The following PROS1 variants were observed in gnomAD, a reference collection of about 807,000 sequenced individuals.
PROS1 encodes protein S, also known as vitamin K-dependent protein S.
In PROS1, 29 loss-of-function variants were observed where a neutral mutation model predicts 75.9. The observed-to-expected ratio is 0.38, with a 90% CI of 0.28 to 0.52. The LOEUF (loss-of-function observed/expected upper bound fraction) is 0.52. Ranked by LOEUF, PROS1 falls within the 20% of genes least tolerant of loss-of-function variation. The pLI, the probability that PROS1 is intolerant of heterozygous loss-of-function variation, is 0.83. For synonymous variants in PROS1, 245 were observed against 280.6 expected, an observed-to-expected ratio of 0.87 and a Z score of 1.27; for missense variants, 680 against 810.3, an observed-to-expected ratio of 0.84 and a Z score of 1.95.
intron 1 of PROS1, among the ~76,000 whole-genome samples, chr3:93,968,341 GC>G (rs1709821036): frequency 6.6e-6 from 1 of 152,120 alleles, no homozygotes; most frequent in African/African-American, 2.4e-5. Flanking sequence ...CAGGAATAAT[GC>G]CACCCCAAAG....
At chr3:93,958,470 T>G (rs1709646668) in intron 1 of PROS1, 1 of 152,244 alleles carries the variant, frequency 6.6e-6, no homozygotes, top group Admixed American at 6.5e-5. Flanking sequence ...TTCATTCTTG[T>G]GGATAGTCAC....
chr3:93,895,848 C>T (rs1708494879), intron 9 of PROS1, among the ~76,000 whole-genome samples: 1 of 152,126 alleles, frequency 6.6e-6, no homozygotes, highest in African/African-American at 2.4e-5. Context: ...ACCTGTAGTC[C>T]TAGCTACTCA....
At position 93,886,373 on chromosome 3, in the gene PROS1, C is replaced by T. The variant is rs1232665171; in HGVS notation, c.1286G>A (p.Gly429Glu). The T allele has an allele frequency of 6.2e-7, 1 of 1,613,716 alleles. No individual in the cohort carries two copies. The highest frequency in any genetic ancestry group is 1.1e-5 in the South Asian group (1 of 91,066). ...TTCACTTTCCACTTTCCGAGGGAAT[C>T]CTGCAAAGTATACTTTGGTTTCCAG... is the stretch of plus-strand genomic sequence containing the variant. ...GLLETKVYFA[G>E]FPRKVESELI... The change falls in exon 11 of 15, where the codon GGA becomes GAA. Residue 429 changes from glycine (G) to glutamate (E), a missense_variant. Gly to Glu is a moderately conservative substitution (Grantham distance 98). Transcript: ENST00000394236.
intron 1 of PROS1, among the ~76,000 whole-genome samples, chr3:93,931,289 G>C (rs544983965): frequency 1.3e-5 from 2 of 152,264 alleles, no homozygotes; most frequent in South Asian, 4.1e-4. Flanking sequence ...CTACTCAAAT[G>C]TCCATGATGT....
chr3:93,947,814 G>A (rs959451535), intron 1 of PROS1, among the ~76,000 whole-genome samples: 75 of 151,992 alleles, frequency 4.9e-4, no homozygotes, highest in African/African-American at 1.4e-3. Context: ...TGATCTGCCC[G>A]CCTCGGCCTC....
In PROS1 at chr3:93,944,931, A is replaced by G. The variant is rs569235968; in HGVS notation, c.77-17524T>C. ...AATAAAGAAGATTGCAAGACTAATA[A>G]AGAAGAAAAGAGAGAAGAATCAAAT... On this transcript the variant is annotated intron_variant, in intron 1 of 14. Transcript: ENST00000394236. 3.3e-5 allele frequency among the ~76,000 whole-genome samples: 5 copies of G among 152,290 alleles called. No individual in the cohort carries two copies. In the East Asian group the frequency reaches 7.7e-4, roughly 23 times the overall value.
At chr3:93,878,322 T>C (rs1356501022) in intron 13 of PROS1, among the ~76,000 whole-genome samples, 2 of 152,232 alleles carry the variant, frequency 1.3e-5, no homozygotes, top group Non-Finnish European at 2.9e-5. Context: ...AGGATATTTT[T>C]AGGTTACTTA....
chr3:93,919,961 T>C (rs1225525980), intron 3 of PROS1, among the ~76,000 whole-genome samples: 1 of 152,210 alleles, frequency 6.6e-6, no homozygotes, highest in Non-Finnish European at 1.5e-5. Context: ...TTTCTATAGC[T>C]TTATATTATT....
intron 1 of PROS1, among the ~76,000 whole-genome samples, chr3:93,943,792 G>A (rs1334616477): frequency 2.6e-5 from 4 of 152,160 alleles, no homozygotes; most frequent in Admixed American, 6.5e-5. Flanking sequence ...AAAATGGCCT[G>A]TTCCTGCCTT....
At chr3:93,967,551 T>C (rs927084978) in intron 1 of PROS1, among the ~76,000 whole-genome samples, 3 of 152,100 alleles carry the variant, frequency 2.0e-5, no homozygotes, top group Admixed American at 6.5e-5. Flanking sequence ...CAAAATATGG[T>C]TTTAAAAAAT....
At chr3:93,938,897 T>A (rs1299393929) in intron 1 of PROS1, among the ~76,000 whole-genome samples, 4 of 152,058 alleles carry the variant, frequency 2.6e-5, no homozygotes, top group Non-Finnish European at 5.9e-5. Flanking sequence ...ATGTCAATGG[T>A]GGGAATGCCT....
At position 93,896,649 on chromosome 3, in the gene PROS1, C is replaced by T. The variant is rs765763193; in HGVS notation, c.892G>A (p.Glu298Lys). ...AACTGCTCCGCCAAGTAAAGTAATT[C>T]ATACTTTGTGTCAAGGTTCAAGGGA... Reference protein sequence around the residue: ...CLPLNLDTKYELLYLAEQFAG... With the variant: ...CLPLNLDTKYKLLYLAEQFAG... The change falls in exon 9 of 15, where the codon GAA (glutamate) becomes AAA (lysine). Residue 298 changes from glutamate to lysine, a missense_variant. Physicochemically the swap from Glu to Lys is moderately conservative, Grantham distance 56. Coordinates refer to ENST00000394236, the MANE Select transcript of PROS1 (RefSeq NM_000313.4). 6 of 1,613,628 alleles carry T rather than the reference C, an allele frequency of 3.7e-6. No homozygotes were observed. In the Admixed American group the frequency reaches 5.0e-5, roughly 13 times the overall value.
At chr3:93,885,658 C>T (rs901768560) in intron 11 of PROS1, among the ~76,000 whole-genome samples, 9 of 152,104 alleles carry the variant, frequency 5.9e-5, no homozygotes, top group African/African-American at 1.7e-4. Flanking sequence ...ATGTAATAAC[C>T]GTTTCATAAA....
intron 3 of PROS1, among the ~76,000 whole-genome samples, chr3:93,914,825 C>A (rs781730919): frequency 6.6e-6 from 1 of 152,174 alleles, no homozygotes; most frequent in Non-Finnish European, 1.5e-5. Context: ...TTTCACCCCA[C>A]CTCCACCAGT....
intron 1 of PROS1, among the ~76,000 whole-genome samples, chr3:93,938,571 C>G (rs762072028): frequency 2.6e-4 from 40 of 152,276 alleles, no homozygotes; most frequent in African/African-American, 7.9e-4. Context: ...GAACATCTCA[C>G]CAATTTCAAA....
intron 1 of PROS1, among the ~76,000 whole-genome samples, chr3:93,941,287 G>A (rs947725207): frequency 1.3e-5 from 2 of 152,058 alleles, no homozygotes; most frequent in African/African-American, 4.8e-5. Flanking sequence ...TATTCTCCAT[G>A]GGATATCAAG....
chr3:93,943,223 A>C (rs907022677), intron 1 of PROS1, among the ~76,000 whole-genome samples: 5 of 152,064 alleles, frequency 3.3e-5, no homozygotes, highest in Non-Finnish European at 7.4e-5. Flanking sequence ...AGCACACCTC[A>C]CCAAGCTCAG....
rs111632497 is a variant in PROS1, at chr3:93,916,422, A to C, written c.260-5717T>G. Among the ~76,000 whole-genome samples, 254 of 152,338 alleles carry C rather than the reference A, an allele frequency of 1.7e-3. 1 individual carries two copies. The Middle Eastern group carries it at 0.02, about 12-fold the overall frequency. On this transcript the variant is annotated intron_variant, in intron 3 of 14. Transcript: ENST00000394236. ...AGTTTAGAACCCCAGGCCAGACTAC[A>C]TTAGCTTAAACACATAAGGCACATT...
intron 12 of PROS1, among the ~76,000 whole-genome samples, chr3:93,879,591 CT>C (rs1708246189): frequency 6.7e-6 from 1 of 148,520 alleles, no homozygotes; most frequent in African/African-American, 2.6e-5. Flanking sequence ...CCAGTTTGCT[CT>C]TTAACAGTGC....
Sources: gnomAD v4.1 joint callset for allele counts (sites outside exome capture counted in the v4.1 genomes callset) on GRCh38, gnomAD v4.1.1 for gene constraint, MANE v1.5 for transcripts, NCBI Gene and HGNC (gene_info 2026-07-23, HGNC 2026-07-21) for gene names.